The following SNX24 variants were observed in gnomAD, a reference collection of about 807,000 sequenced individuals.
SNX24 encodes the protein sorting nexin 24.
Under a neutral mutation model 28.7 loss-of-function variants are expected in SNX24, and 22 were observed. The observed-to-expected ratio is 0.77, with a 90% CI of 0.55 to 1.10. SNX24 has a LOEUF of 1.10. Ranked by LOEUF, SNX24 falls within the 50% of genes least tolerant of loss-of-function variation. The probability of loss-of-function intolerance (pLI) is 0.00; values close to 1 mark genes in which losing one functional copy is unlikely to be tolerated. For missense variants in SNX24, 221 were observed against 201.1 expected (o/e 1.10, Z -0.60); for synonymous variants, 69 against 71.5 (o/e 0.96, Z 0.18).
intron 5 of SNX24, among the ~76,000 whole-genome samples, chr5:123,017,239 G>T (rs183841592): frequency 7.2e-5 from 11 of 152,102 alleles, no homozygotes; most frequent in African/African-American, 2.4e-4. Flanking sequence ...TTGCAGAGTG[G>T]ATGCCATGCT....
rs202140523 is a variant in SNX24 at position 123,024,051 on chromosome 5, T to C, written n.384-5187T>C. ...ATGGTTTAATTCTGACCAGCAGCTA[T>C]AGCAATCCAAAGGTTAAACCAAAGC... On this transcript the variant is annotated intron_variant and non_coding_transcript_variant, in intron 5 of 5. Transcript: ENST00000502387. 5 of 1,580,874 alleles carry C rather than the reference T, an allele frequency of 3.2e-6. No homozygotes were observed. In the Admixed American group the frequency reaches 8.9e-5, roughly 28 times the overall value.
At chr5:122,907,532 G>T (rs1486576103) in intron 1 of SNX24, among the ~76,000 whole-genome samples, 2 of 152,172 alleles carry the variant, frequency 1.3e-5, no homozygotes, top group Non-Finnish European at 2.9e-5. Flanking sequence ...TGTTTGAGAA[G>T]TCACATGGCA....
intron 1 of SNX24, among the ~76,000 whole-genome samples, chr5:122,870,910 T>C (rs1406014779): frequency 6.6e-6 from 1 of 152,198 alleles, no homozygotes; most frequent in African/African-American, 2.4e-5. Flanking sequence ...CACGTCGTTG[T>C]CTGCTAAAAC....
intron 2 of SNX24, among the ~76,000 whole-genome samples, chr5:122,938,118 G>C (rs1444598559): frequency 6.6e-6 from 1 of 152,048 alleles, no homozygotes; most frequent in African/African-American, 2.4e-5. Context: ...GTACTCTCCG[G>C]ATACTCAGGA....
intron 5 of SNX24, among the ~76,000 whole-genome samples, chr5:123,024,972 C>T (rs552284416): frequency 8.5e-5 from 13 of 152,088 alleles, no homozygotes; most frequent in African/African-American, 1.9e-4. Context: ...AGTGTTCCTA[C>T]GGGTTGTGAA....
chr5:123,010,706 G>A (rs1259885848), downstream of SNX24, among the ~76,000 whole-genome samples: 1 of 152,154 alleles, frequency 6.6e-6, no homozygotes, highest in East Asian at 1.9e-4. Context: ...TTCCACAGAA[G>A]GGAGTACTTA....
chr5:122,956,950 A>G (rs1760243010), intron 3 of SNX24, among the ~76,000 whole-genome samples: 2 of 151,920 alleles, frequency 1.3e-5, no homozygotes, highest in Admixed American at 6.6e-5. Context: ...ATTATGTAAT[A>G]TGATTTGCAA....
chr5:122,898,682 AT>A (rs1757308704), intron 1 of SNX24, among the ~76,000 whole-genome samples: 1 of 152,262 alleles, frequency 6.6e-6, no homozygotes. Flanking sequence ...CAAAATAAAT[AT>A]GGAAAAATAT....
intron 1 of SNX24, among the ~76,000 whole-genome samples, chr5:122,910,395 G>A (rs1757827880): frequency 6.6e-6 from 1 of 152,244 alleles, no homozygotes; most frequent in Middle Eastern, 3.4e-3. Context: ...ATAGGGAATA[G>A]TTCAAAATTA....
chr5:123,016,577 T>C (rs548457788), intron 5 of SNX24, among the ~76,000 whole-genome samples: 2 of 152,242 alleles, frequency 1.3e-5, no homozygotes, highest in Admixed American at 1.3e-4. Context: ...GGCTCAGGAT[T>C]TGAAGCAGAG....
chr5:122,960,146 T>G (rs1760423861), intron 3 of SNX24, among the ~76,000 whole-genome samples: 2 of 152,338 alleles, frequency 1.3e-5, no homozygotes, highest in South Asian at 4.1e-4. Flanking sequence ...TATTTTATTT[T>G]GAAAATTGTT....
rs531844152 is a variant in SNX24 at position 122,960,814 on chromosome 5, AACT to A, written c.249+14661_249+14663del. ...ACTACTACATTTCAAAAGACTCACA[AACT>A]ACTACATTTCAAAAGACTCAAAAGG... On this transcript the variant is annotated intron_variant, in intron 3 of 6. Coordinates refer to ENST00000261369, the MANE Select transcript of SNX24 (RefSeq NM_014035.4). 7.9e-5 allele frequency among the ~76,000 whole-genome samples: 12 copies of A among 152,314 alleles called. No homozygotes were observed. The East Asian group carries it at 1.3e-3, about 17-fold the overall frequency.
intron 5 of SNX24, among the ~76,000 whole-genome samples, chr5:123,021,937 G>A (rs1762768271): frequency 6.6e-6 from 1 of 151,992 alleles, no homozygotes; most frequent in Non-Finnish European, 1.5e-5. Context: ...TCAGGCCTTA[G>A]CACAAATGCC....
At chr5:123,013,691 A>C (rs998683187), downstream of SNX24, among the ~76,000 whole-genome samples, 15 of 152,094 alleles carry the variant, frequency 9.9e-5, no homozygotes, top group Non-Finnish European at 1.9e-4. Flanking sequence ...TAAAATGTGA[A>C]CCATTTTCTG....
chr5:123,015,019 A>G (rs969824302), intron 5 of SNX24, among the ~76,000 whole-genome samples: 8 of 152,286 alleles, frequency 5.3e-5, no homozygotes, highest in South Asian at 2.1e-4. Context: ...GCCCCACTCC[A>G]TACCATTATT....
At chr5:122,881,824 A>G (rs1397557397) in intron 1 of SNX24, among the ~76,000 whole-genome samples, 1 of 151,354 alleles carries the variant, frequency 6.6e-6, no homozygotes, top group South Asian at 2.1e-4. Context: ...AGAACCTGAC[A>G]TAGAAAAAAC....
intron 1 of SNX24, among the ~76,000 whole-genome samples, chr5:122,881,755 G>A (rs1022953232): frequency 1.3e-5 from 2 of 149,278 alleles, no homozygotes; most frequent in Admixed American, 6.7e-5. Context: ...AAATAAATAT[G>A]TATATATAAA....
chr5:122,932,728 G>A (rs927174299), intron 1 of SNX24, among the ~76,000 whole-genome samples: 12 of 151,946 alleles, frequency 7.9e-5, no homozygotes, highest in East Asian at 1.9e-4. Context: ...GCATGGTGGC[G>A]GGCGCCTGTA....
chr5:123,020,147 T>C (rs2150186789), intron 5 of SNX24, among the ~76,000 whole-genome samples: 1 of 152,370 alleles, frequency 6.6e-6, no homozygotes, highest in African/African-American at 2.4e-5. Context: ...GTCTATGTGC[T>C]CTTGGACATT....
Sources: gnomAD v4.1 joint callset for allele counts (sites outside exome capture counted in the v4.1 genomes callset) on GRCh38, gnomAD v4.1.1 for gene constraint, MANE v1.5 for transcripts, NCBI Gene and HGNC (gene_info 2026-07-23, HGNC 2026-07-21) for gene names.